Variants in USH2A observed in about 807,000 individuals in gnomAD.
USH2A encodes Usher syndrome 2A (autosomal recessive, mild).
Under a neutral mutation model 538.9 loss-of-function variants are expected in USH2A, and 443 were observed. The observed-to-expected ratio is 0.82, with a 90% CI of 0.76 to 0.89. The LOEUF (loss-of-function observed/expected upper bound fraction) is 0.89. Among genes scored for constraint, USH2A ranks in the 40% least tolerant of loss-of-function variants. USH2A has a pLI of 0.00. For synonymous variants in USH2A, 2,413 were observed against 2,273.5 expected (o/e 1.06, Z -1.75); for missense variants, 6,633 against 6,324.8 (o/e 1.05, Z -1.65).
Position 216,078,161 on chromosome 1 carries a change from T to A in USH2A, c.5500A>T (p.Asn1834Tyr). The change falls in exon 27 of 72, where the codon AAT becomes TAT. Residue 1834 changes from asparagine (N) to tyrosine (Y), a missense_variant. Asn to Tyr is a moderately radical substitution (Grantham distance 143). Coordinates refer to ENST00000307340, the MANE Select transcript of USH2A (RefSeq NM_206933.4). ...SESGDQPLVV[N>Y]SPVYVGGIPQ... is the part of the protein sequence containing the mutation. ...ATTCCTCCCACATAAACTGGTGAAT[T>A]CACCACCAGTGGCTGGTCTCCGGAC... 6.2e-7 allele frequency: 1 copy of A among 1,613,728 alleles called. No individual in the cohort carries two copies. The highest frequency in any genetic ancestry group is 1.1e-5 in the South Asian group (1 of 91,088).
intron 38 of USH2A, among the ~76,000 whole-genome samples, chr1:215,907,404 G>C (rs900861281): frequency 6.6e-6 from 1 of 151,954 alleles, no homozygotes; most frequent in Non-Finnish European, 1.5e-5. Context: ...CCCATTTCAG[G>C]TTAAACATCT....
chr1:216,297,984 T>C (rs2037139043), intron 9 of USH2A, among the ~76,000 whole-genome samples: 1 of 152,202 alleles, frequency 6.6e-6, no homozygotes, highest in Non-Finnish European at 1.5e-5. Context: ...CCCAGTTCAA[T>C]TAGCCATGCA....
intron 11 of USH2A, among the ~76,000 whole-genome samples, chr1:216,274,302 G>T (rs2036628344): frequency 1.3e-5 from 2 of 152,018 alleles, no homozygotes; most frequent in Admixed American, 6.6e-5. Context: ...GAAATAGACT[G>T]GTTTCAGCAA....
intron 30 of USH2A, among the ~76,000 whole-genome samples, chr1:216,060,663 T>C (rs966901614): frequency 1.3e-5 from 2 of 152,168 alleles, no homozygotes; most frequent in Non-Finnish European, 2.9e-5. Context: ...AACAATAAAA[T>C]TGAGAAAATA....
chr1:215,807,725 G>A (rs1662542830), intron 49 of USH2A, among the ~76,000 whole-genome samples: 1 of 152,032 alleles, frequency 6.6e-6, no homozygotes, highest in Non-Finnish European at 1.5e-5. Flanking sequence ...GTCATTAGAT[G>A]TTTGAATCTT....
intron 26 of USH2A, among the ~76,000 whole-genome samples, chr1:216,078,676 A>G (rs1166575147): frequency 1.3e-5 from 2 of 152,186 alleles, no homozygotes; most frequent in East Asian, 3.9e-4. Context: ...AAACCCCTGC[A>G]TAAGTGACTG....
intron 21 of USH2A, among the ~76,000 whole-genome samples, chr1:216,152,634 G>T (rs748065137): frequency 1.3e-5 from 2 of 152,116 alleles, no homozygotes; most frequent in Non-Finnish European, 2.9e-5. Context: ...GAAATAAACA[G>T]CTTTATTGCT....
intron 21 of USH2A, among the ~76,000 whole-genome samples, chr1:216,152,516 C>A (rs1203656539): frequency 6.6e-6 from 1 of 151,910 alleles, no homozygotes; most frequent in Non-Finnish European, 1.5e-5. Context: ...GAGAACAAAC[C>A]CCCTTTGACT....
At chr1:216,242,379 A>AAAT (rs1553319801) in intron 13 of USH2A, among the ~76,000 whole-genome samples, 2 of 150,260 alleles carry the variant, frequency 1.3e-5, no homozygotes, top group Non-Finnish European at 3.0e-5. Flanking sequence ...AGAAAAAAAA[A>AAAT]ATATATATAT....
In USH2A at chr1:216,246,810, T is replaced by A. The variant is rs778294014; in HGVS notation, c.2584A>T (p.Asn862Tyr). ...TGTINGSLLC[N>Y]KSTGQCPCKL... ...CAAGGACATTGTCCTGTTGATTTGT[T>A]ACACAGCAGAGAGCCATTTATTGTC... The change falls in exon 13 of 72, where the codon AAC becomes TAC. Residue 862 changes from asparagine (N) to tyrosine (Y), a missense_variant. Transcript: ENST00000307340. 20 of 1,614,044 alleles carry A rather than the reference T, an allele frequency of 1.2e-5. No individual in the cohort carries two copies. The highest frequency in any genetic ancestry group is 6.7e-5 in the Admixed American group (4 of 59,996).
rs1553268582 is a variant in USH2A, at chr1:215,845,960, TAG to T, written c.8917_8918del (p.Leu2973LysfsTer79). On this transcript the variant is annotated frameshift_variant, in exon 45 of 72. Transcript: ENST00000307340. LOFTEE classifies it high-confidence loss of function. ...FWSSATSNDS[L>X]KILPDVNSHV... ...GAGAGTTTACATCTGGCAAGATTTT[TAG>T]AGAGTCGTTTGAGGTAGCAGAACTC... is the stretch of plus-strand genomic sequence containing the variant. The T allele has an allele frequency of 6.2e-7, 1 of 1,613,972 alleles. No individual in the cohort carries two copies. Among genetic ancestry groups the T allele is most frequent in the Non-Finnish European group, 8.5e-7 (1 of 1,179,962 alleles).
chr1:216,379,005 C>T (rs916530309), intron 3 of USH2A, among the ~76,000 whole-genome samples: 30 of 152,088 alleles, frequency 2.0e-4, no homozygotes, highest in Non-Finnish European at 2.9e-4. Context: ...ATTTTTTAGC[C>T]ATGGGGACTC....
intron 47 of USH2A, among the ~76,000 whole-genome samples, chr1:215,832,822 C>A (rs1430916810): frequency 2.0e-5 from 3 of 151,772 alleles, no homozygotes; most frequent in Non-Finnish European, 4.4e-5. Context: ...TCTATATAGA[C>A]TAGGGAATTA....
chr1:216,107,574 TC>T (rs1467140878), intron 21 of USH2A, among the ~76,000 whole-genome samples: 2 of 151,806 alleles, frequency 1.3e-5, no homozygotes, highest in African/African-American at 4.8e-5. Flanking sequence ...AATAATCTAT[TC>T]TTTTTGATTG....
At chr1:216,264,975 C>A (rs1412878814) in intron 11 of USH2A, among the ~76,000 whole-genome samples, 1 of 151,946 alleles carries the variant, frequency 6.6e-6, no homozygotes, top group African/African-American at 2.4e-5. Context: ...AGAAGTAAAC[C>A]TAGGAGACGT....
intron 58 of USH2A, among the ~76,000 whole-genome samples, chr1:215,756,978 G>A (rs1660816076): frequency 6.6e-6 from 1 of 151,734 alleles, no homozygotes; most frequent in African/African-American, 2.4e-5. Flanking sequence ...TTAAACAAAA[G>A]TAGAAATAAA....
At chr1:215,802,913 A>G (rs1043100103) in intron 49 of USH2A, among the ~76,000 whole-genome samples, 6 of 152,168 alleles carry the variant, frequency 3.9e-5, no homozygotes, top group African/African-American at 1.4e-4. Flanking sequence ...TATACATACA[A>G]TGAGACATTA....
intron 13 of USH2A, among the ~76,000 whole-genome samples, chr1:216,232,762 T>A (rs2035726383): frequency 6.6e-6 from 1 of 152,204 alleles, no homozygotes; most frequent in South Asian, 2.1e-4. Flanking sequence ...ACCTCCCAGA[T>A]AAAGTCACCA....
intron 35 of USH2A, among the ~76,000 whole-genome samples, chr1:215,973,236 T>A (rs1335625167): frequency 6.6e-6 from 1 of 152,156 alleles, no homozygotes; most frequent in East Asian, 1.9e-4. Context: ...ATGTCTTTTA[T>A]GTTAGGATTA....
Sources: allele counts gnomAD v4.1 joint callset (sites outside exome capture counted in the v4.1 genomes callset), GRCh38; gene constraint gnomAD v4.1.1; transcripts MANE v1.5; gene names NCBI Gene and HGNC (gene_info 2026-07-23, HGNC 2026-07-21).